The following LRRC4C variants were observed in gnomAD, a reference collection of about 807,000 sequenced individuals.
LRRC4C encodes leucine-rich repeat-containing protein 4C.
Under a neutral mutation model 33.6 loss-of-function variants are expected in LRRC4C, and 5 were observed. The observed-to-expected ratio is 0.15, with a 90% CI of 0.08 to 0.31. The LOEUF (loss-of-function observed/expected upper bound fraction) is 0.31. Among genes scored for constraint, LRRC4C ranks in the 10% least tolerant of loss-of-function variants. LRRC4C has a pLI of 1.00. For missense variants in LRRC4C, 560 were observed against 796.7 expected, an observed-to-expected ratio of 0.70 and a Z score of 3.58; for synonymous variants, 329 against 302.0, an observed-to-expected ratio of 1.09 and a Z score of -0.93.
At chr11:40,683,877 C>T (rs551571043) in intron 2 of LRRC4C, among the ~76,000 whole-genome samples, 17 of 152,164 alleles carry the variant, frequency 1.1e-4, no homozygotes, top group South Asian at 4.1e-4. Flanking sequence ...TCTGCTAAAA[C>T]GCCAGGCTTG....
chr11:41,104,939 G>A (rs1941408283), intron 1 of LRRC4C, among the ~76,000 whole-genome samples: 1 of 151,868 alleles, frequency 6.6e-6, no homozygotes, highest in Admixed American at 6.6e-5. Flanking sequence ...TGGAGATGGG[G>A]ATTGGCAGTG....
At chr11:41,099,125 A>T (rs1941000604) in intron 1 of LRRC4C, among the ~76,000 whole-genome samples, 1 of 152,072 alleles carries the variant, frequency 6.6e-6, no homozygotes, top group Non-Finnish European at 1.5e-5. Flanking sequence ...CCCTCCCAAG[A>T]CTGAACTAGT....
Position 41,453,547 on chromosome 11 carries a change from A to T in LRRC4C, c.-496+5884T>A, listed in dbSNP as rs993258655. Among the ~76,000 whole-genome samples the T allele has an allele frequency of 2.6e-5, 4 of 152,256 alleles. No individual in the cohort carries two copies. In the South Asian group the frequency reaches 8.3e-4, roughly 32 times the overall value. ...TCCTACAAATAAAAGAAACCATGGCATAAAAGAACAGACATGGGCTTTGGA... is the reference window on the plus strand; with the variant it reads ...TCCTACAAATAAAAGAAACCATGGCTTAAAAGAACAGACATGGGCTTTGGA... On this transcript the variant is annotated intron_variant, in intron 1 of 6. Coordinates refer to ENST00000528697, the MANE Select transcript of LRRC4C (RefSeq NM_001258419.2).
chr11:40,143,327 A>G (rs117232107), intron 5 of LRRC4C, among the ~76,000 whole-genome samples: 4,556 of 152,222 alleles, frequency 0.03, 97 homozygotes, highest in Middle Eastern at 0.051. Context: ...TCAATGCTCA[A>G]TGGCTTCTCG....
intron 5 of LRRC4C, among the ~76,000 whole-genome samples, chr11:40,154,568 A>G (rs1858521894): frequency 6.6e-6 from 1 of 152,208 alleles, no homozygotes; most frequent in Non-Finnish European, 1.5e-5. Context: ...TATAGCAGAC[A>G]AAACAAACTT....
chr11:41,350,273 G>A (rs1951934333), intron 1 of LRRC4C, among the ~76,000 whole-genome samples: 1 of 152,110 alleles, frequency 6.6e-6, no homozygotes, highest in South Asian at 2.1e-4. Flanking sequence ...CACTTTGGGA[G>A]GCCGAGGTGG....
At chr11:40,996,198 T>C (rs536013848) in intron 1 of LRRC4C, among the ~76,000 whole-genome samples, 35 of 152,244 alleles carry the variant, frequency 2.3e-4, no homozygotes, top group African/African-American at 7.9e-4. Flanking sequence ...TCAGAGGCAT[T>C]AGGCAGATAA....
chr11:40,565,638 C>G (rs1957727443), intron 3 of LRRC4C, among the ~76,000 whole-genome samples: 1 of 152,146 alleles, frequency 6.6e-6, no homozygotes, highest in Non-Finnish European at 1.5e-5. Flanking sequence ...CACCCAAAGA[C>G]TCTTTTGGCC....
chr11:41,003,038 C>T (rs923125350), intron 1 of LRRC4C, among the ~76,000 whole-genome samples: 2 of 152,044 alleles, frequency 1.3e-5, no homozygotes, highest in Non-Finnish European at 2.9e-5. Flanking sequence ...AAATATATTA[C>T]TTCTCCGATG....
intron 3 of LRRC4C, among the ~76,000 whole-genome samples, chr11:40,578,644 A>G (rs1282268669): frequency 6.6e-6 from 1 of 152,184 alleles, no homozygotes. Context: ...TATTTGTGGT[A>G]GAGATACTAA....
At chr11:40,640,676 T>C (rs1380124345) in intron 3 of LRRC4C, among the ~76,000 whole-genome samples, 6 of 152,164 alleles carry the variant, frequency 3.9e-5, no homozygotes, top group Admixed American at 2.6e-4. Flanking sequence ...GATATTTTGA[T>C]TCTGAATAGA....
chr11:40,412,626 C>T (rs1950193289), intron 3 of LRRC4C, among the ~76,000 whole-genome samples: 2 of 151,932 alleles, frequency 1.3e-5, no homozygotes, highest in African/African-American at 4.8e-5. Context: ...TTGACTTGGC[C>T]ACCTCCCATG....
rs141800563 is a variant in LRRC4C, at chr11:41,147,608, A to G, written c.-495-213885T>C. Among the ~76,000 whole-genome samples, 14 of 152,334 alleles carry G rather than the reference A, an allele frequency of 9.2e-5. No individual in the cohort carries two copies. The East Asian group carries it at 2.3e-3, about 25-fold the overall frequency. ...ATAATTGTATACATTTATGGGGTGCAACATGATATGTTAATATATGTATGC... is the reference window on the plus strand; with the variant it reads ...ATAATTGTATACATTTATGGGGTGCGACATGATATGTTAATATATGTATGC... On this transcript the variant is annotated intron_variant, in intron 1 of 6. Transcript: ENST00000528697.
chr11:40,619,205 C>A (rs906521741), intron 3 of LRRC4C, among the ~76,000 whole-genome samples: 1 of 151,572 alleles, frequency 6.6e-6, no homozygotes, highest in South Asian at 2.1e-4. Flanking sequence ...ATGAATAAGA[C>A]CTACTACTTG....
At chr11:41,459,315 C>T (rs1956265630) in intron 1 of LRRC4C, 116 bp downstream of exon 1, 1 of 152,174 alleles carries the variant, frequency 6.6e-6, no homozygotes, top group Non-Finnish European at 1.5e-5. Flanking sequence ...TTCTTCTGAG[C>T]ATTCCAATCT....
chr11:40,507,446 T>C (rs1004364352), intron 3 of LRRC4C, among the ~76,000 whole-genome samples: 1 of 152,094 alleles, frequency 6.6e-6, no homozygotes, highest in Non-Finnish European at 1.5e-5. Context: ...ACAATTGGGA[T>C]GAACAAATAT....
chr11:40,338,831 T>A (rs537522527), intron 3 of LRRC4C, among the ~76,000 whole-genome samples: 1 of 152,306 alleles, frequency 6.6e-6, no homozygotes, highest in Non-Finnish European at 1.5e-5. Flanking sequence ...AAAGGCTTCA[T>A]TCTGTTTCTG....
rs542014194 is a variant in LRRC4C at position 40,478,732 on chromosome 11, T to C, written c.-269-159011A>G. ...ACCTATTCAAAATATTAAAAGACCATTGGGCCAAAATAGGCTTCCCTGAAT... is the reference window on the plus strand; with the variant it reads ...ACCTATTCAAAATATTAAAAGACCACTGGGCCAAAATAGGCTTCCCTGAAT... On this transcript the variant is annotated intron_variant, in intron 3 of 6. Coordinates refer to ENST00000528697, the MANE Select transcript of LRRC4C (RefSeq NM_001258419.2). Among the ~76,000 whole-genome samples the C allele has an allele frequency of 9.9e-5, 15 of 152,262 alleles. No individual in the cohort carries two copies. In the South Asian group the frequency reaches 1.9e-3, roughly 19 times the overall value.
intron 5 of LRRC4C, among the ~76,000 whole-genome samples, chr11:40,176,049 C>A (rs1382896710): frequency 6.6e-6 from 1 of 151,920 alleles, no homozygotes; most frequent in Non-Finnish European, 1.5e-5. Flanking sequence ...AAGAGCTATT[C>A]CAGCAATATA....
Sources: allele counts gnomAD v4.1 joint callset (sites outside exome capture counted in the v4.1 genomes callset), GRCh38; gene constraint gnomAD v4.1.1; transcripts MANE v1.5; gene names NCBI Gene and HGNC (gene_info 2026-07-23, HGNC 2026-07-21).